PABPC4L: variants seen among roughly 807,000 people sequenced by gnomAD.
PABPC4L encodes poly(A) binding protein cytoplasmic 4 like, also known as polyadenylate-binding protein 4-like.
For missense variants in PABPC4L, 452 were observed against 451.4 expected, an observed-to-expected ratio of 1.00 and a Z score of -0.01; for synonymous variants, 169 against 164.1, an observed-to-expected ratio of 1.03 and a Z score of -0.23.
At chr4:134,180,322 A>T in the PABPC4L span, among the ~76,000 whole-genome samples, 7 of 152,196 alleles carry the variant, frequency 4.6e-5, no homozygotes, top group South Asian at 1.2e-3. Flanking sequence ...GCAGAATTCA[A>T]AGAATTATTT....
At chr4:134,061,966 T>TA in the PABPC4L span, among the ~76,000 whole-genome samples, 1 of 151,806 alleles carries the variant, frequency 6.6e-6, no homozygotes, top group East Asian at 1.9e-4. Flanking sequence ...GGATGACAGT[T>TA]ATGCATCAAG....
At chr4:134,180,144 A>G in the PABPC4L span, among the ~76,000 whole-genome samples, 1 of 152,244 alleles carries the variant, frequency 6.6e-6, no homozygotes, top group African/African-American at 2.4e-5. Flanking sequence ...AGAATTGGGC[A>G]TAAAACAATC....
At chr4:134,017,094 A>G in the PABPC4L span, among the ~76,000 whole-genome samples, 3 of 152,210 alleles carry the variant, frequency 2.0e-5, no homozygotes, top group Admixed American at 2.0e-4. Flanking sequence ...ATCAGCCTTT[A>G]TTAGTCAAAT....
At chr4:133,972,951 A>G in the PABPC4L span, among the ~76,000 whole-genome samples, 4 of 152,158 alleles carry the variant, frequency 2.6e-5, no homozygotes, top group African/African-American at 9.7e-5. Context: ...GCGAGATGGC[A>G]GAAACTAGCT....
At chr4:134,098,325 T>G in the PABPC4L span, among the ~76,000 whole-genome samples, 1 of 151,924 alleles carries the variant, frequency 6.6e-6, no homozygotes, top group Non-Finnish European at 1.5e-5. Flanking sequence ...AAATATGATT[T>G]TCCTCTGTAA....
chr4:133,985,969 G>C, the PABPC4L span, among the ~76,000 whole-genome samples: 1 of 151,946 alleles, frequency 6.6e-6, no homozygotes, highest in African/African-American at 2.4e-5. Flanking sequence ...TTAAGCTCTG[G>C]TGTCTGCAGA....
chr4:133,972,451 A>T, the PABPC4L span, among the ~76,000 whole-genome samples: 1 of 152,108 alleles, frequency 6.6e-6, no homozygotes, highest in Non-Finnish European at 1.5e-5. Context: ...GCATCCATTT[A>T]TCTAGGGGCA....
the PABPC4L span, among the ~76,000 whole-genome samples, chr4:134,027,850 C>A: frequency 6.6e-6 from 1 of 152,116 alleles, no homozygotes; most frequent in Admixed American, 6.6e-5. Flanking sequence ...TCAGGTAACT[C>A]TAGGTCCATT....
chr4:134,024,822 T>G, the PABPC4L span, among the ~76,000 whole-genome samples: 1 of 151,542 alleles, frequency 6.6e-6, no homozygotes, highest in African/African-American at 2.4e-5. Context: ...TTTTTTTTTT[T>G]TTTTGGAGAC....
chr4:133,963,634 C>T, the PABPC4L span, among the ~76,000 whole-genome samples: 4 of 152,062 alleles, frequency 2.6e-5, no homozygotes, highest in African/African-American at 9.7e-5. Context: ...GAAATTATTT[C>T]AAGCACTCTC....
At chr4:134,152,033 C>T in the PABPC4L span, among the ~76,000 whole-genome samples, 3,411 of 151,208 alleles carry the variant, frequency 0.023, 131 homozygotes, top group African/African-American at 0.078. Context: ...AGTTTTTTGC[C>T]CAATTTTCTA....
chr4:134,159,709 A>G, the PABPC4L span, among the ~76,000 whole-genome samples: 2 of 152,102 alleles, frequency 1.3e-5, no homozygotes, highest in African/African-American at 4.8e-5. Flanking sequence ...CAGTAAGGCC[A>G]CAGAGACTGC....
the PABPC4L span, among the ~76,000 whole-genome samples, chr4:134,137,947 T>C: frequency 1.3e-5 from 2 of 151,830 alleles, no homozygotes; most frequent in African/African-American, 4.8e-5. Flanking sequence ...GGGACAGAAC[T>C]GGGATTTGAG....
chr4:134,071,329 T>A, the PABPC4L span, among the ~76,000 whole-genome samples: 1 of 152,010 alleles, frequency 6.6e-6, no homozygotes, highest in African/African-American at 2.4e-5. Context: ...GTGCCAGTCT[T>A]CCTTATGTAC....
the PABPC4L span, among the ~76,000 whole-genome samples, chr4:134,053,571 C>T: frequency 6.6e-6 from 1 of 151,966 alleles, no homozygotes; most frequent in African/African-American, 2.4e-5. Context: ...ACACCAAAAA[C>T]AAACAATAAA....
At chr4:133,967,598 C>A in the PABPC4L span, among the ~76,000 whole-genome samples, 1 of 152,124 alleles carries the variant, frequency 6.6e-6, no homozygotes, top group Non-Finnish European at 1.5e-5. Context: ...TAGACAAGGA[C>A]ACTGAACAAG....
the PABPC4L span, among the ~76,000 whole-genome samples, chr4:134,081,022 G>A: frequency 2.0e-5 from 3 of 152,008 alleles, no homozygotes; most frequent in South Asian, 4.1e-4. Flanking sequence ...TTCTATTATA[G>A]ACATCTAATA....
At chr4:133,949,888 C>T in the PABPC4L span, among the ~76,000 whole-genome samples, 1 of 152,088 alleles carries the variant, frequency 6.6e-6, no homozygotes, top group Non-Finnish European at 1.5e-5. Flanking sequence ...AGGTCAGTAG[C>T]CCTGCCTAAA....
At chr4:134,032,917 C>A in the PABPC4L span, among the ~76,000 whole-genome samples, 2 of 151,416 alleles carry the variant, frequency 1.3e-5, no homozygotes, top group East Asian at 3.9e-4. Context: ...AACAAATGAA[C>A]AAATACTGAC....
Sources: gnomAD v4.1 joint callset for allele counts (sites outside exome capture counted in the v4.1 genomes callset) on GRCh38, gnomAD v4.1.1 for gene constraint, MANE v1.5 for transcripts, NCBI Gene and HGNC (gene_info 2026-07-23, HGNC 2026-07-21) for gene names.